Variants in PRDM16 observed in about 807,000 individuals in gnomAD.
PRDM16 encodes the protein PR/SET domain 16, also known as histone-lysine N-methyltransferase PRDM16.
PRDM16 carries 23 observed loss-of-function variants against 110.6 expected under a neutral mutation model. That is an observed-to-expected ratio of 0.21 (90% CI 0.15 to 0.29). PRDM16 has a LOEUF of 0.29. Among genes scored for constraint, PRDM16 ranks in the 10% least tolerant of loss-of-function variants. The pLI, the probability that PRDM16 is intolerant of heterozygous loss-of-function variation, is 1.00. For missense variants in PRDM16, 1,615 were observed against 1,794.3 expected, an observed-to-expected ratio of 0.90 and a Z score of 1.81; for synonymous variants, 799 against 781.8, an observed-to-expected ratio of 1.02 and a Z score of -0.37.
At chr1:3,338,733 A>G (rs1309970309) in intron 3 of PRDM16, among the ~76,000 whole-genome samples, 1 of 152,140 alleles carries the variant, frequency 6.6e-6, no homozygotes, top group East Asian at 1.9e-4. Context: ...GCCCTCCTGG[A>G]GCCCCAGAGG....
chr1:3,341,214 T>A (rs1001871410), intron 3 of PRDM16, among the ~76,000 whole-genome samples: 1 of 152,086 alleles, frequency 6.6e-6, no homozygotes, highest in African/African-American at 2.4e-5. Flanking sequence ...GAGAAGTGAC[T>A]GTCGCCTGGT....
At chr1:3,399,180 A>G (rs780894401) in intron 5 of PRDM16, among the ~76,000 whole-genome samples, 1 of 152,232 alleles carries the variant, frequency 6.6e-6, no homozygotes, top group African/African-American at 2.4e-5. Flanking sequence ...CCATTCCCAT[A>G]TGCTTTTCTT....
intron 1 of PRDM16, among the ~76,000 whole-genome samples, chr1:3,181,552 G>GGTCTTCAACACGGTCTTACA (rs755533699): frequency 7.3e-5 from 2 of 27,432 alleles, no homozygotes; most frequent in South Asian, 1.9e-3. Flanking sequence ...TCTTACACAC[G>GGTCTTCAACACGGTCTTACA]CAGTCTTACA....
intron 3 of PRDM16, among the ~76,000 whole-genome samples, chr1:3,362,797 G>C (rs1449264182): frequency 2.0e-5 from 3 of 152,202 alleles, no homozygotes; most frequent in African/African-American, 4.8e-5. Context: ...CTCCTCCCAG[G>C]CTGCCCTGAC....
At chr1:3,383,744 G>A (rs1643146989) in intron 3 of PRDM16, among the ~76,000 whole-genome samples, 1 of 152,064 alleles carries the variant, frequency 6.6e-6, no homozygotes, top group South Asian at 2.1e-4. Flanking sequence ...GTTTTCACTT[G>A]GACAGGTCAC....
chr1:3,189,091 A>T (rs1380176829), intron 2 of PRDM16, among the ~76,000 whole-genome samples: 1 of 152,028 alleles, frequency 6.6e-6, no homozygotes, highest in Non-Finnish European at 1.5e-5. Context: ...TTCTCTGAGG[A>T]CTTCTTCCTC....
chr1:3,289,937 G>A (rs979783955), intron 3 of PRDM16, among the ~76,000 whole-genome samples: 1 of 150,774 alleles, frequency 6.6e-6, no homozygotes, highest in Non-Finnish European at 1.5e-5. Flanking sequence ...CTCAATCCAA[G>A]TCACCAGACC....
intron 2 of PRDM16, among the ~76,000 whole-genome samples, chr1:3,230,244 C>G (rs1011104787): frequency 5.9e-5 from 9 of 152,334 alleles, no homozygotes; most frequent in African/African-American, 2.2e-4. Context: ...CAAGGCCAGG[C>G]AAGGGTGCCA....
intron 1 of PRDM16, among the ~76,000 whole-genome samples, chr1:3,164,827 G>A (rs557121192): frequency 4.6e-5 from 7 of 152,272 alleles, no homozygotes; most frequent in South Asian, 4.1e-4. Context: ...TCCACCCACC[G>A]CCCAGCCCGC....
chr1:3,280,980 A>C (rs1640701137), intron 3 of PRDM16, among the ~76,000 whole-genome samples: 1 of 152,218 alleles, frequency 6.6e-6, no homozygotes, highest in East Asian at 1.9e-4. Context: ...GTGGCTGCCC[A>C]GCGAGGTTGG....
In PRDM16 at chr1:3,350,091, G is replaced by C. The variant is rs1271404219; in HGVS notation, c.439-35061G>C. On this transcript the variant is annotated intron_variant, in intron 3 of 16. Coordinates refer to ENST00000270722, the MANE Select transcript of PRDM16 (RefSeq NM_022114.4). The surrounding 1 kb of genome is among the most constrained non-coding windows in gnomAD (Gnocchi z 7.1). ...CAGTGGCCCAAAATCCCAGCACCTT[G>C]GGAGGCCAAGGCGGGAGGAAGCCCA... is the stretch of plus-strand genomic sequence containing the variant. Among the ~76,000 whole-genome samples, 1 of 152,206 alleles carries C rather than the reference G, an allele frequency of 6.6e-6. No homozygotes were observed. Among genetic ancestry groups the C allele is most frequent in the Non-Finnish European group, 1.5e-5 (1 of 68,042 alleles).
chr1:3,260,782 T>C (rs1255016586), intron 3 of PRDM16, among the ~76,000 whole-genome samples: 2 of 145,690 alleles, frequency 1.4e-5, no homozygotes, highest in East Asian at 2.1e-4. Flanking sequence ...AGGGAGATGA[T>C]GATGATGGCA....
chr1:3,186,043 C>A (rs1238215902), intron 1 of PRDM16, 82 bp from the exon 2 acceptor site: 1 of 1,225,940 alleles, frequency 8.2e-7, no homozygotes, highest in Admixed American at 1.8e-5. Flanking sequence ...CCCATTGATG[C>A]CCGAGTCCCC....
intron 3 of PRDM16, among the ~76,000 whole-genome samples, chr1:3,329,969 A>C (rs1205987292): frequency 6.6e-6 from 1 of 152,236 alleles, no homozygotes; most frequent in Non-Finnish European, 1.5e-5. Context: ...TTGTCTCTGG[A>C]AGGAGGCTTG....
At chr1:3,427,755 G>A (rs1024340087) in intron 14 of PRDM16, among the ~76,000 whole-genome samples, 2 of 152,140 alleles carry the variant, frequency 1.3e-5, no homozygotes, top group African/African-American at 4.8e-5. Flanking sequence ...GGGGCGGGGG[G>A]AGAAGCTGGC....
chr1:3,401,808 A>G (rs1275247930), intron 5 of PRDM16, among the ~76,000 whole-genome samples: 2 of 152,262 alleles, frequency 1.3e-5, no homozygotes, highest in African/African-American at 4.8e-5. Context: ...ATGAACACAC[A>G]GATGCACACA....
intron 2 of PRDM16, among the ~76,000 whole-genome samples, chr1:3,230,195 A>C (rs1318913004): frequency 2.6e-5 from 4 of 152,188 alleles, no homozygotes; most frequent in Non-Finnish European, 5.9e-5. Context: ...CTCCACTGGC[A>C]ACTGCTGCTC....
chr1:3,269,343 A>G (rs1167381462), intron 3 of PRDM16, among the ~76,000 whole-genome samples: 2 of 150,198 alleles, frequency 1.3e-5, no homozygotes, highest in African/African-American at 2.5e-5. Flanking sequence ...TGGGAGGAGC[A>G]CAGTCAGGAG....
intron 1 of PRDM16, among the ~76,000 whole-genome samples, chr1:3,073,691 G>A (rs1198726938): frequency 6.6e-6 from 1 of 152,088 alleles, no homozygotes; most frequent in Non-Finnish European, 1.5e-5. Context: ...CGGGCCGGCC[G>A]GTAGTCTCGG....
Sources: gnomAD v4.1 joint callset for allele counts (sites outside exome capture counted in the v4.1 genomes callset) on GRCh38, gnomAD v4.1.1 for gene constraint, Gnocchi (gnomAD v3.1) non-coding constraint, MANE v1.5 for transcripts, NCBI Gene and HGNC (gene_info 2026-07-23, HGNC 2026-07-21) for gene names.